Variants in NXN observed in about 807,000 individuals in gnomAD.
NXN encodes nucleoredoxin, also known as nucleoredoxin 1.
Under a neutral mutation model 48.6 loss-of-function variants are expected in NXN, and 16 were observed. The observed-to-expected ratio is 0.33, with a 90% CI of 0.22 to 0.50. NXN has a LOEUF of 0.50. Ranked by LOEUF, NXN falls within the 20% of genes least tolerant of loss-of-function variation. NXN has a pLI of 0.98. For synonymous variants in NXN, 281 were observed against 269.6 expected (o/e 1.04, Z -0.41); for missense variants, 492 against 605.5 (o/e 0.81, Z 1.97).
chr17:843,046 AAG>A (rs1914459643), intron 1 of NXN, among the ~76,000 whole-genome samples: 4 of 137,968 alleles, frequency 2.9e-5, no homozygotes, highest in African/African-American at 6.1e-5. Flanking sequence ...GAAAGAAAGA[AAG>A]AAAGAAAGAA....
intron 1 of NXN, among the ~76,000 whole-genome samples, chr17:940,032 C>G (rs1352901128): frequency 1.3e-5 from 2 of 151,870 alleles, no homozygotes; most frequent in Non-Finnish European, 2.9e-5. Context: ...CTGCCGGGAT[C>G]AAGTGATCCT....
At chr17:943,865 T>C (rs2069011248) in intron 1 of NXN, among the ~76,000 whole-genome samples, 1 of 151,816 alleles carries the variant, frequency 6.6e-6, no homozygotes, top group South Asian at 2.1e-4. Context: ...TAAATTATGT[T>C]ATGTATATTC....
At chr17:810,294 G>A (rs867601700) in intron 5 of NXN, among the ~76,000 whole-genome samples, 14 of 126,414 alleles carry the variant, frequency 1.1e-4, no homozygotes, top group East Asian at 2.5e-4. Flanking sequence ...TGGCGTGCAC[G>A]TTACGAGTCT....
At chr17:869,909 C>T (rs2068133450) in intron 1 of NXN, among the ~76,000 whole-genome samples, 1 of 152,180 alleles carries the variant, frequency 6.6e-6, no homozygotes, top group African/African-American at 2.4e-5. Flanking sequence ...TGCGAGAGCT[C>T]TCGTACTTAG....
chr17:824,855 G>A (rs530061435), intron 2 of NXN, among the ~76,000 whole-genome samples: 2 of 152,320 alleles, frequency 1.3e-5, no homozygotes, highest in East Asian at 1.9e-4. Context: ...GGAAGGAGGA[G>A]CACAGGCTGG....
intron 1 of NXN, chr17:930,500 T>C (rs1183491326): frequency 6.6e-6 from 1 of 151,834 alleles, no homozygotes; most frequent in Non-Finnish European, 1.5e-5. Flanking sequence ...ACAATGCCCC[T>C]ATTGATTGAC....
intron 5 of NXN, among the ~76,000 whole-genome samples, chr17:818,371 C>T (rs919725715): frequency 1.3e-5 from 2 of 151,938 alleles, no homozygotes; most frequent in Non-Finnish European, 2.9e-5. Context: ...CCCACTCAGC[C>T]CTCACTATCA....
chr17:930,418 G>C (rs999851592), intron 1 of NXN: 1 of 149,136 alleles, frequency 6.7e-6, no homozygotes, highest in Non-Finnish European at 1.5e-5. Flanking sequence ...CTGGGTGACA[G>C]AGCGAGATTC....
At position 799,343 on chromosome 17, in the gene NXN, G is replaced by A. The variant is rs1911084854; in HGVS notation, c.*1606C>T. 1 of 152,318 alleles carries A rather than the reference G, an allele frequency of 6.6e-6. No homozygotes were observed. Among genetic ancestry groups the A allele is most frequent in the African/African-American group, 2.4e-5 (1 of 41,454 alleles). The allele number at this position is 152,318 out of a possible 1,614,324, so 9.4% of individuals were successfully genotyped here. ...TCAAGGACAGCAGAGGCCCAGGGTG[G>A]ATGAGGTCCAGAGATGCCTGCTTTA... On this transcript the variant is annotated 3_prime_UTR_variant, in exon 8 of 8. Coordinates refer to ENST00000336868, the MANE Select transcript of NXN (RefSeq NM_022463.5).
chr17:843,026 A>G (rs180803577), intron 1 of NXN, among the ~76,000 whole-genome samples: 3 of 139,182 alleles, frequency 2.2e-5, no homozygotes, highest in Non-Finnish European at 3.1e-5. Flanking sequence ...GAAAGAAAGA[A>G]AGAAAGAAAG....
chr17:841,484 C>T (rs74214316), intron 1 of NXN, among the ~76,000 whole-genome samples: 2,256 of 24,190 alleles, frequency 0.093, 71 homozygotes, highest in East Asian at 0.22. Context: ...GAGCAGGTCC[C>T]CCCTGACCAC....
chr17:804,983 G>A lies in NXN; in HGVS notation c.1000+85C>T, dbSNP rs2295477. 338,538 of 1,389,080 alleles carry A rather than the reference G, an allele frequency of 0.24. 45,388 individuals are homozygous for A. The highest frequency in any genetic ancestry group is 0.5 in the East Asian group (19,962 of 39,964). The allele number at this position is 1,389,080 out of a possible 1,614,324, so 86.0% of individuals were successfully genotyped here. Reference sequence around the variant, plus strand: ...TGCACTGCTGGTGACAGAGAGAAGCGGCAGGGACAGGCTCCTCCCAAGTGA... The same window carrying A: ...TGCACTGCTGGTGACAGAGAGAAGCAGCAGGGACAGGCTCCTCCCAAGTGA... On this transcript the variant is annotated intron_variant, in intron 6 of 7. Coordinates refer to ENST00000336868, the MANE Select transcript of NXN (RefSeq NM_022463.5).
intron 7 of NXN, 131 bp downstream of exon 7, chr17:803,551 T>C (rs1368630002): frequency 4.4e-6 from 5 of 1,125,690 alleles, no homozygotes; most frequent in Non-Finnish European, 6.4e-6. Context: ...CACATTTGTC[T>C]GTGGGCTCTC....
chr17:830,287 C>T lies in NXN; in HGVS notation c.361-4209G>A, dbSNP rs970236456. Among the ~76,000 whole-genome samples, 11 of 152,140 alleles carry T rather than the reference C, an allele frequency of 7.2e-5. No individual in the cohort carries two copies. The highest frequency in any genetic ancestry group is 1.3e-4 in the Non-Finnish European group (9 of 68,026). Reference sequence around the variant, plus strand: ...TAAGAGCAGATGAGGCTGCTACCCTCGTGGGGCTCCTCCTCCAGTGGGAGA... The same window carrying T: ...TAAGAGCAGATGAGGCTGCTACCCTTGTGGGGCTCCTCCTCCAGTGGGAGA... On this transcript the variant is annotated intron_variant, in intron 1 of 7. Coordinates refer to ENST00000336868, the MANE Select transcript of NXN (RefSeq NM_022463.5). The surrounding 1 kb of genome is among the most constrained non-coding windows in gnomAD (Gnocchi z 4.2).
chr17:921,483 G>C (rs1026934018), intron 1 of NXN, among the ~76,000 whole-genome samples: 1 of 152,102 alleles, frequency 6.6e-6, no homozygotes. Flanking sequence ...CTCTGCATCT[G>C]TGGCTTGTCC....
intron 1 of NXN, among the ~76,000 whole-genome samples, chr17:939,687 C>T (rs2068948726): frequency 6.6e-6 from 1 of 152,064 alleles, no homozygotes; most frequent in African/African-American, 2.4e-5. Flanking sequence ...CATGAAAATA[C>T]ACTCAAAATA....
At chr17:953,459 G>A (rs2069134898) in intron 1 of NXN, among the ~76,000 whole-genome samples, 3 of 152,070 alleles carry the variant, frequency 2.0e-5, no homozygotes, top group African/African-American at 4.8e-5. Flanking sequence ...CAAGCAGGAC[G>A]AGGCACCTCG....
At chr17:904,492 C>T (rs1298241675) in intron 1 of NXN, among the ~76,000 whole-genome samples, 1 of 152,122 alleles carries the variant, frequency 6.6e-6, no homozygotes, top group Non-Finnish European at 1.5e-5. Context: ...CCACTTTGAC[C>T]CAACACATTC....
intron 5 of NXN, among the ~76,000 whole-genome samples, chr17:811,920 C>CTTTTTTT (rs34383551): frequency 5.5e-5 from 4 of 73,176 alleles, no homozygotes; most frequent in Non-Finnish European, 9.3e-5. Flanking sequence ...CCCAGTTCTG[C>CTTTTTTT]TTTTTTTTTT....
Sources: gnomAD v4.1 joint callset for allele counts (sites outside exome capture counted in the v4.1 genomes callset) on GRCh38, gnomAD v4.1.1 for gene constraint, Gnocchi (gnomAD v3.1) non-coding constraint, MANE v1.5 for transcripts, NCBI Gene and HGNC (gene_info 2026-07-23, HGNC 2026-07-21) for gene names.